Variants in HERC3 observed in about 807,000 individuals in gnomAD.
HERC3 encodes the protein probable E3 ubiquitin-protein ligase HERC3.
In HERC3, 58 loss-of-function variants were observed where a neutral mutation model predicts 129.9. The observed-to-expected ratio is 0.45, with a 90% CI of 0.36 to 0.56. The LOEUF is 0.56. HERC3 is among the 20% of genes least tolerant of loss of function. The pLI is 0.00. For missense variants in HERC3, 835 were observed against 1,244.2 expected (o/e 0.67, Z 4.95); for synonymous variants, 430 against 451.0 (o/e 0.95, Z 0.59).
At chr4:88,525,812 G>A in the HERC3 span, among the ~76,000 whole-genome samples, 1 of 152,190 alleles carries the variant, frequency 6.6e-6, no homozygotes, top group Admixed American at 6.6e-5. Flanking sequence ...ATTTCTGCCT[G>A]TAGTATACTA....
At chr4:88,704,682 C>T in intron 25 of HERC3, 72 bp downstream of exon 25, 1 of 908,648 alleles carries the variant, frequency 1.1e-6, no homozygotes, top group Non-Finnish European at 1.8e-6. Flanking sequence ...ATGACATGCT[C>T]CACAGCTGAG....
intron 16 of HERC3, among the ~76,000 whole-genome samples, chr4:88,674,371 A>G (rs1407994014): frequency 6.6e-6 from 1 of 152,264 alleles, no homozygotes; most frequent in Non-Finnish European, 1.5e-5. Context: ...ACTTAAAAAT[A>G]CTAAGTAGGC....
the HERC3 span, among the ~76,000 whole-genome samples, chr4:88,546,045 A>G: frequency 6.6e-6 from 1 of 152,140 alleles, no homozygotes; most frequent in Non-Finnish European, 1.5e-5. Context: ...AACAATCCCT[A>G]AGTCTTAGTG....
chr4:88,654,375 TATATATATATATACAC>T (rs1729640008), intron 7 of HERC3, among the ~76,000 whole-genome samples: 1 of 121,108 alleles, frequency 8.3e-6, no homozygotes, highest in Non-Finnish European at 1.6e-5. Context: ...TATATATATA[TATATATATATATACAC>T]ACACACACAT....
Position 88,704,488 on chromosome 4 carries a change from T to C in HERC3, c.2842-20T>C, listed in dbSNP as rs746449650. ...TATTCTTCCAAGATACATTTTTTTC[T>C]TTTTCTCTTTTTTGGACAGACTGCC... On this transcript the variant is annotated intron_variant, in intron 24 of 25. Coordinates refer to ENST00000402738, the MANE Select transcript of HERC3 (RefSeq NM_014606.3). The C allele has an allele frequency of 3.3e-6, 5 of 1,521,692 alleles. No homozygotes were observed. The highest frequency in any genetic ancestry group is 2.8e-5 in the African/African-American group (2 of 70,882). 94.3% of individuals were successfully genotyped at this position (1,521,692 alleles called of 1,614,324 possible).
chr4:88,685,763 A>AAATAATAAT (rs139475837), intron 21 of HERC3, among the ~76,000 whole-genome samples: 61 of 151,630 alleles, frequency 4.0e-4, no homozygotes, highest in Admixed American at 1.6e-3. Context: ...ACTTAAAGTA[A>AAATAATAAT]AATAATAATA....
chr4:88,625,219 AT>A (rs1560689589), intron 3 of HERC3, among the ~76,000 whole-genome samples: 1 of 152,070 alleles, frequency 6.6e-6, no homozygotes, highest in African/African-American at 2.4e-5. Context: ...CAGCTTTTCA[AT>A]TTTGGAAGAA....
At chr4:88,643,009 G>A (rs921067013) in intron 3 of HERC3, among the ~76,000 whole-genome samples, 4 of 152,046 alleles carry the variant, frequency 2.6e-5, no homozygotes, top group African/African-American at 9.7e-5. Flanking sequence ...AAAAATTGCA[G>A]TGTCTACATT....
At chr4:88,610,453 C>CAAAAA (rs10616395) in intron 3 of HERC3, among the ~76,000 whole-genome samples, 1 of 122,510 alleles carries the variant, frequency 8.2e-6, no homozygotes, top group Middle Eastern at 4.2e-3. Context: ...GACTCCGTCT[C>CAAAAA]AAAAAAAAAA....
rs551703838 is a variant in HERC3 at position 88,602,012 on chromosome 4, C to T, written c.-29-3783C>T. 6.9e-5 allele frequency among the ~76,000 whole-genome samples: 6 copies of T among 87,448 alleles called. 1 individual carries two copies. Among genetic ancestry groups the T allele is most frequent in the East Asian group, 8.9e-4 (2 of 2,252 alleles). The allele number at this position is 87,448 out of a possible 152,430, so 57.4% of individuals were successfully genotyped here. A position where few individuals can be genotyped will look rare whatever the true frequency, so the allele number is the denominator to read the frequency against. On this transcript the variant is annotated intron_variant, in intron 2 of 25. Transcript: ENST00000402738. ...CGGAGCTTGCAGTGAGCCGAGATCC[C>T]GCCACTGCACTCCAGCCTGGGCGAC...
chr4:88,542,828 G>A, the HERC3 span, among the ~76,000 whole-genome samples: 3 of 152,080 alleles, frequency 2.0e-5, no homozygotes, highest in East Asian at 1.9e-4. Context: ...CAGAACAAAC[G>A]ACAGAAACCA....
At chr4:88,573,464 C>T in the HERC3 span, among the ~76,000 whole-genome samples, 1 of 152,164 alleles carries the variant, frequency 6.6e-6, no homozygotes, top group Non-Finnish European at 1.5e-5. Flanking sequence ...ACCCATGAAG[C>T]ATGGACTGTT....
chr4:88,703,126 A>G (rs1002469223), intron 23 of HERC3, among the ~76,000 whole-genome samples: 8 of 152,182 alleles, frequency 5.3e-5, no homozygotes, highest in Non-Finnish European at 8.8e-5. Context: ...CTTCCAACTT[A>G]GGGCCAACCA....
At chr4:88,523,971 C>G in the HERC3 span, 1 of 456,032 alleles carries the variant, frequency 2.2e-6, no homozygotes, top group East Asian at 3.9e-5. Flanking sequence ...CAAACTAAAC[C>G]AGTGTTTAAG....
rs774262533 is a variant in HERC3, at chr4:88,687,277, G to A, written c.2635G>A (p.Val879Ile). 1.2e-6 allele frequency: 2 copies of A among 1,612,130 alleles called. No homozygotes were observed. The highest frequency in any genetic ancestry group is 1.7e-6 in the Non-Finnish European group (2 of 1,178,356). ...QKKLIPGGDN[V>I]TVCKDNRQEF... is the part of the protein sequence containing the mutation. ...GAAGCTGATACCTGGGGGAGATAAT[G>A]TAACTGTGTGCAAGGATAACAGGTT... is the stretch of plus-strand genomic sequence containing the variant. The change falls in exon 23 of 26, where the codon GTA (valine) becomes ATA (isoleucine). Residue 879 changes from valine to isoleucine, a missense_variant. Physicochemically the swap from Val to Ile is conservative, Grantham distance 29 (BLOSUM62 3). Transcript: ENST00000402738.
intron 23 of HERC3, chr4:88,689,923 T>G: frequency 1.2e-6 from 1 of 825,508 alleles, no homozygotes; most frequent in Non-Finnish European, 1.5e-6. Context: ...TATGATCTCA[T>G]ACATCATTCA....
intron 3 of HERC3, among the ~76,000 whole-genome samples, chr4:88,633,597 C>CA (rs1183569973): frequency 6.6e-6 from 1 of 151,550 alleles, no homozygotes; most frequent in African/African-American, 2.4e-5. Flanking sequence ...TTATTTAACA[C>CA]AAAAGAAGGC....
In HERC3 at chr4:88,707,185, GTGTTTT is replaced by G. The variant is rs3836633; in HGVS notation, c.*238_*243del. Reference sequence around the variant, plus strand: ...TGAAAAATTGGCCCTTGTATGGGAGGTGTTTTTGTTTTTGTTTTAAACCAAACTACC... The same window carrying G: ...TGAAAAATTGGCCCTTGTATGGGAGGTGTTTTTGTTTTAAACCAAACTACC... On this transcript the variant is annotated 3_prime_UTR_variant, in exon 26 of 26. Coordinates refer to ENST00000402738, the MANE Select transcript of HERC3 (RefSeq NM_014606.3). 6.0e-4 allele frequency: 326 copies of G among 540,734 alleles called. 1 individual carries two copies. The East Asian group carries it at 0.01, about 17-fold the overall frequency. 33.5% of individuals were successfully genotyped at this position (540,734 alleles called of 1,614,324 possible).
rs534380774 is a variant in HERC3, at chr4:88,596,673, T to C, written c.-30+1059T>C. Among the ~76,000 whole-genome samples the C allele has an allele frequency of 3.9e-5, 6 of 152,342 alleles. No individual in the cohort carries two copies. In the South Asian group the frequency reaches 1.2e-3, roughly 32 times the overall value. On this transcript the variant is annotated intron_variant, in intron 2 of 25. Transcript: ENST00000402738. The stretch of plus-strand genomic sequence containing the variant: ...GCATTTTTGTTTGTTTTGTGAAGTA[T>C]TTGTAAGCATAAAATAATGCATGTC...
Sources: gnomAD v4.1 joint callset for allele counts (sites outside exome capture counted in the v4.1 genomes callset) on GRCh38, gnomAD v4.1.1 for gene constraint, MANE v1.5 for transcripts, NCBI Gene and HGNC (gene_info 2026-07-23, HGNC 2026-07-21) for gene names.